Variants in QPCT observed in about 807,000 individuals in gnomAD.
QPCT encodes EC.
Under a neutral mutation model 43.4 loss-of-function variants are expected in QPCT, and 44 were observed. The ratio of observed to expected loss-of-function variants is 1.01; its 90% CI spans 0.80 to 1.30. The LOEUF is 1.30. Among genes scored for constraint, QPCT ranks in the 50% most tolerant of loss-of-function variants. The pLI is 0.00. For synonymous variants in QPCT, 168 were observed against 168.4 expected (o/e 1.00, Z 0.02); for missense variants, 526 against 436.5 (o/e 1.21, Z -1.83).
intron 2 of QPCT, among the ~76,000 whole-genome samples, chr2:37,354,550 A>G (rs915103348): frequency 3.9e-5 from 6 of 152,218 alleles, no homozygotes; most frequent in Non-Finnish European, 8.8e-5. Context: ...TGTTGAGGCC[A>G]GAATCCACTT....
At chr2:37,367,611 C>G (rs1047374594) in intron 4 of QPCT, among the ~76,000 whole-genome samples, 2 of 152,170 alleles carry the variant, frequency 1.3e-5, no homozygotes, top group Non-Finnish European at 2.9e-5. Context: ...GTGGCTCATA[C>G]CTGTAATCCC....
chr2:37,365,467 A>AAGTGGGATTGGAG (rs1454437048), intron 3 of QPCT, among the ~76,000 whole-genome samples: 1 of 152,196 alleles, frequency 6.6e-6, no homozygotes, highest in Non-Finnish European at 1.5e-5. Flanking sequence ...TAAGTTTAAG[A>AAGTGGGATTGGAG]AGTGGGATTG....
chr2:37,369,205 T>G (rs2124942805), intron 4 of QPCT, among the ~76,000 whole-genome samples: 1 of 152,294 alleles, frequency 6.6e-6, no homozygotes, highest in Non-Finnish European at 1.5e-5. Context: ...GACACAATGT[T>G]ATATAGCTCC....
chr2:37,344,764 C>T lies in QPCT; in HGVS notation c.33C>T (p.Gly11=). The change falls in exon 1 of 7, where the codon GGC becomes GGT. Residue 11 remains glycine (G), a synonymous_variant. Transcript: ENST00000338415. MAGGRHRRVV[G]TLHLLLLVAA... ...GCGGAAGACACCGGCGCGTCGTGGG[C>T]ACCCTCCACCTGCTGCTGCTGGTGG... The T allele has an allele frequency of 6.2e-7, 1 of 1,608,036 alleles. No individual in the cohort carries two copies. Among genetic ancestry groups the T allele is most frequent in the South Asian group, 1.1e-5 (1 of 90,726 alleles).
chr2:37,350,578 A>C (rs888524786), intron 1 of QPCT, among the ~76,000 whole-genome samples: 3 of 152,242 alleles, frequency 2.0e-5, no homozygotes, highest in Admixed American at 2.0e-4. Flanking sequence ...TGCATAAATG[A>C]GACAGTGAGG....
intron 3 of QPCT, among the ~76,000 whole-genome samples, chr2:37,365,174 C>CAGAGA (rs1330257702): frequency 6.6e-6 from 1 of 151,604 alleles, no homozygotes; most frequent in Non-Finnish European, 1.5e-5. Flanking sequence ...TGAGTGTGGA[C>CAGAGA]AGAGAAGAGA....
chr2:37,367,615 T>C (rs537069894), intron 4 of QPCT, among the ~76,000 whole-genome samples: 2 of 152,308 alleles, frequency 1.3e-5, no homozygotes, highest in African/African-American at 4.8e-5. Context: ...CTCATACCTG[T>C]AATCCCAGCA....
chr2:37,368,650 G>A (rs777935823), intron 4 of QPCT: 2 of 471,038 alleles, frequency 4.2e-6, no homozygotes, highest in South Asian at 3.1e-5. Flanking sequence ...TAATGGGCCA[G>A]GGGAATGTGG....
chr2:37,352,742 C>A, intron 1 of QPCT, 47 bp from the exon 2 acceptor site: 1 of 1,594,572 alleles, frequency 6.3e-7, no homozygotes, highest in Non-Finnish European at 8.6e-7. Context: ...GAGTCTTAAA[C>A]ATGTTATGAA....
chr2:37,369,724 C>G lies in QPCT; in HGVS notation c.763C>G (p.Pro255Ala). The G allele has an allele frequency of 6.2e-7, 1 of 1,609,126 alleles. No individual in the cohort carries two copies. The highest frequency in any genetic ancestry group is 1.7e-4 in the Middle Eastern group (1 of 6,060). ...VLLDLIGAPN[P>A]TFPNFFPNSA... ...ATTGGATTTGATTGGAGCTCCAAAC[C>G]CAACGTTTCCCAATTTTTTTCCAAA... The change falls in exon 5 of 7, where the codon CCA becomes GCA. Residue 255 changes from proline (P) to alanine (A), a missense_variant. Coordinates refer to ENST00000338415, the MANE Select transcript of QPCT (RefSeq NM_012413.4).
chr2:37,346,835 G>A (rs181778101), intron 1 of QPCT, among the ~76,000 whole-genome samples: 54 of 152,088 alleles, frequency 3.6e-4, no homozygotes, highest in African/African-American at 1.1e-3. Flanking sequence ...TATGGTGTTC[G>A]ACTATTTTAA....
At chr2:37,353,219 A>G (rs547995630) in intron 2 of QPCT, among the ~76,000 whole-genome samples, 3 of 152,324 alleles carry the variant, frequency 2.0e-5, no homozygotes, top group East Asian at 1.9e-4. Context: ...GAGGCTCCCA[A>G]TTAAGTTTTC....
At chr2:37,365,609 G>A (rs1672944220) in intron 3 of QPCT, among the ~76,000 whole-genome samples, 2 of 151,698 alleles carry the variant, frequency 1.3e-5, no homozygotes, top group South Asian at 2.1e-4. Flanking sequence ...TTTGTTGGCC[G>A]ATGGGAATTA....
At chr2:37,351,562 A>G (rs557881886) in intron 1 of QPCT, among the ~76,000 whole-genome samples, 7 of 152,336 alleles carry the variant, frequency 4.6e-5, no homozygotes, top group Middle Eastern at 3.4e-3. Context: ...TGCAACAATC[A>G]TCTGAGTTGG....
chr2:37,363,410 G>C (rs1196757272), intron 3 of QPCT, among the ~76,000 whole-genome samples: 1 of 144,708 alleles, frequency 6.9e-6, no homozygotes, highest in African/African-American at 2.7e-5. Flanking sequence ...ATTGCTTGAG[G>C]CCAAGAGTTT....
rs1390916575 is a variant in QPCT, at chr2:37,347,156, A to G, written c.120+2305A>G. 3.1e-4 allele frequency among the ~76,000 whole-genome samples: 22 copies of G among 70,318 alleles called. 4 individuals are homozygous for G. The highest frequency in any genetic ancestry group is 7.1e-4 in the Admixed American group (3 of 4,246). 46.1% of individuals were successfully genotyped at this position (70,318 alleles called of 152,430 possible). A position where few individuals can be genotyped will look rare whatever the true frequency, so the allele number is the denominator to read the frequency against. ...GGTATGGGGTGTTTTATATATATAT[A>G]TATATATAACATATATATATATAAC... On this transcript the variant is annotated intron_variant, in intron 1 of 6. Coordinates refer to ENST00000338415, the MANE Select transcript of QPCT (RefSeq NM_012413.4).
intron 5 of QPCT, 61 bp from the exon 6 acceptor site, chr2:37,372,295 C>A: frequency 1.7e-6 from 2 of 1,168,020 alleles, no homozygotes; most frequent in East Asian, 2.3e-5. Flanking sequence ...AATAAGGATA[C>A]ATTATGAGTC....
intron 2 of QPCT, among the ~76,000 whole-genome samples, chr2:37,356,358 C>G (rs1672745023): frequency 6.6e-6 from 1 of 151,890 alleles, no homozygotes; most frequent in South Asian, 2.1e-4. Context: ...CTTTTTCTCT[C>G]CTCTCCATTT....
At chr2:37,348,876 G>A (rs1025445905) in intron 1 of QPCT, among the ~76,000 whole-genome samples, 1 of 152,188 alleles carries the variant, frequency 6.6e-6, no homozygotes, top group Non-Finnish European at 1.5e-5. Context: ...ATTGGGGTTT[G>A]CATTTACCAT....
Sources: gnomAD v4.1 joint callset for allele counts (sites outside exome capture counted in the v4.1 genomes callset) on GRCh38, gnomAD v4.1.1 for gene constraint, MANE v1.5 for transcripts, NCBI Gene and HGNC (gene_info 2026-07-23, HGNC 2026-07-21) for gene names.